POC1A: variants seen among roughly 807,000 people sequenced by gnomAD.
The protein encoded by POC1A is POC1 centriolar protein homolog A.
Under a neutral mutation model 47.8 loss-of-function variants are expected in POC1A, and 34 were observed. The ratio of observed to expected loss-of-function variants is 0.71; its 90% CI spans 0.54 to 0.95. The LOEUF (loss-of-function observed/expected upper bound fraction) is 0.95, where lower values mean the gene tolerates loss of function less well. POC1A is among the 40% of genes least tolerant of loss of function. POC1A has a pLI of 0.00. For synonymous variants in POC1A, 177 were observed against 207.6 expected (o/e 0.85, Z 1.27); for missense variants, 466 against 528.3 (o/e 0.88, Z 1.16).
At chr3:52,124,654 C>T (rs1020223110) in intron 8 of POC1A, among the ~76,000 whole-genome samples, 2 of 152,120 alleles carry the variant, frequency 1.3e-5, no homozygotes, top group Non-Finnish European at 2.9e-5. Context: ...CCTCATCTAC[C>T]GCACGGGGAG....
intron 10 of POC1A, among the ~76,000 whole-genome samples, chr3:52,080,380 C>T (rs1018132744): frequency 6.6e-6 from 1 of 152,172 alleles, no homozygotes; most frequent in Non-Finnish European, 1.5e-5. Flanking sequence ...TCCCTGTCCT[C>T]ACCCAGCAGC....
intron 1 of POC1A, among the ~76,000 whole-genome samples, chr3:52,151,618 A>G (rs1302026486): frequency 4.0e-5 from 6 of 151,804 alleles, no homozygotes; most frequent in Admixed American, 6.6e-5. Flanking sequence ...CTCAAAAAAA[A>G]AAAAAAAAAA....
At chr3:52,107,158 C>A (rs540223830) in intron 9 of POC1A, among the ~76,000 whole-genome samples, 1 of 152,378 alleles carries the variant, frequency 6.6e-6, no homozygotes, top group South Asian at 2.1e-4. Context: ...ATGTGCGGTT[C>A]CTTCCCTGGA....
intron 8 of POC1A, among the ~76,000 whole-genome samples, chr3:52,124,658 C>T (rs967674339): frequency 1.3e-5 from 2 of 152,104 alleles, no homozygotes; most frequent in Admixed American, 6.6e-5. Flanking sequence ...ATCTACCGCA[C>T]GGGGAGATCA....
chr3:52,129,991 C>T (rs1013947935), intron 7 of POC1A, among the ~76,000 whole-genome samples: 3 of 152,180 alleles, frequency 2.0e-5, no homozygotes, highest in African/African-American at 4.8e-5. Flanking sequence ...TGCTGGCTCT[C>T]GCTCTGCTGC....
At chr3:52,105,738 C>T (rs1474067521) in intron 9 of POC1A, among the ~76,000 whole-genome samples, 1 of 152,226 alleles carries the variant, frequency 6.6e-6, no homozygotes, top group Non-Finnish European at 1.5e-5. Context: ...TTTCCTAAAA[C>T]CATCTAACTT....
At chr3:52,150,253 A>T (rs1698514566) in intron 2 of POC1A, among the ~76,000 whole-genome samples, 1 of 152,200 alleles carries the variant, frequency 6.6e-6, no homozygotes, top group Non-Finnish European at 1.5e-5. Context: ...ACTGCAATCC[A>T]GAGCTCTGGG....
chr3:52,084,605 C>A lies in POC1A; in HGVS notation c.1126-8620G>T, dbSNP rs1702400021. 2.6e-5 allele frequency among the ~76,000 whole-genome samples: 4 copies of A among 152,208 alleles called. No homozygotes were observed. Among genetic ancestry groups the A allele is most frequent in the African/African-American group, 9.7e-5 (4 of 41,450 alleles). Reference sequence around the variant, plus strand: ...CAGGAAAGAACAAGGGTGGCCAGATCCTTAAAAATACTTCTCCAAGTGCAG... The same window carrying A: ...CAGGAAAGAACAAGGGTGGCCAGATACTTAAAAATACTTCTCCAAGTGCAG... On this transcript the variant is annotated intron_variant, in intron 10 of 10. Coordinates refer to ENST00000296484, the MANE Select transcript of POC1A (RefSeq NM_015426.5). The surrounding 1 kb of genome is among the most constrained non-coding windows in gnomAD (Gnocchi z 4.3).
chr3:52,124,187 A>G (rs1703905836), intron 8 of POC1A, among the ~76,000 whole-genome samples: 1 of 152,230 alleles, frequency 6.6e-6, no homozygotes, highest in Non-Finnish European at 1.5e-5. Flanking sequence ...CATCAGGTCA[A>G]CAGTGGCACA....
chr3:52,077,934 C>T (rs1414135126), intron 10 of POC1A, among the ~76,000 whole-genome samples: 5 of 152,260 alleles, frequency 3.3e-5, no homozygotes, highest in Admixed American at 3.3e-4. Flanking sequence ...CATACTTCAG[C>T]TCAGTAGGAA....
At position 52,084,459 on chromosome 3, in the gene POC1A, G is replaced by A. The variant is rs940884572; in HGVS notation, c.1126-8474C>T. On this transcript the variant is annotated intron_variant, in intron 10 of 10. Coordinates refer to ENST00000296484, the MANE Select transcript of POC1A (RefSeq NM_015426.5). The surrounding 1 kb of genome is among the most constrained non-coding windows in gnomAD (Gnocchi z 4.3). ...CTCTGTCAGGCACCCACCACAGGCA[G>A]CAAACAAGGGACCCTAGCTCTTGGG... 3.9e-5 allele frequency among the ~76,000 whole-genome samples: 6 copies of A among 152,196 alleles called. No individual in the cohort carries two copies. The highest frequency in any genetic ancestry group is 1.4e-4 in the African/African-American group (6 of 41,438).
At chr3:52,105,963 G>A (rs535892468) in intron 9 of POC1A, among the ~76,000 whole-genome samples, 1 of 152,204 alleles carries the variant, frequency 6.6e-6, no homozygotes, top group South Asian at 2.1e-4. Flanking sequence ...GGGAGGCTGA[G>A]GCGGGCGGAT....
intron 10 of POC1A, among the ~76,000 whole-genome samples, chr3:52,083,656 G>C (rs1457360540): frequency 6.6e-6 from 1 of 152,058 alleles, no homozygotes; most frequent in Non-Finnish European, 1.5e-5. Context: ...TTTCCACTCT[G>C]TGTTTGGTGA....
At chr3:52,116,142 A>G (rs1440264022) in intron 9 of POC1A, among the ~76,000 whole-genome samples, 2 of 152,160 alleles carry the variant, frequency 1.3e-5, no homozygotes, top group African/African-American at 4.8e-5. Flanking sequence ...TTAAAAATCC[A>G]CAGGCACCCA....
In POC1A at chr3:52,087,288, C is replaced by T. The variant is rs377255428; in HGVS notation, c.1125+9281G>A. The stretch of plus-strand genomic sequence containing the variant: ...ACCTCAGAGGGGAAGGAATGGAGCT[C>T]CCCTCTCATGCTGATGTCTGACATG... On this transcript the variant is annotated intron_variant, in intron 10 of 10. Coordinates refer to ENST00000296484, the MANE Select transcript of POC1A (RefSeq NM_015426.5). Among the ~76,000 whole-genome samples, 8 of 152,266 alleles carry T rather than the reference C, an allele frequency of 5.3e-5. 1 individual carries two copies. Among genetic ancestry groups the T allele is most frequent in the Non-Finnish European group, 8.8e-5 (6 of 68,026 alleles).
At position 52,075,850 on chromosome 3, in the gene POC1A, T is replaced by G; in HGVS notation, c.*37A>C. 2 of 1,497,260 alleles carry G rather than the reference T, an allele frequency of 1.3e-6. No individual in the cohort carries two copies. Among genetic ancestry groups the G allele is most frequent in the African/African-American group, 2.7e-5 (2 of 72,792 alleles). The allele number at this position is 1,497,260 out of a possible 1,614,324, so 92.7% of individuals were successfully genotyped here. A position where few individuals can be genotyped will look rare whatever the true frequency, so the allele number is the denominator to read the frequency against. On this transcript the variant is annotated 3_prime_UTR_variant, in exon 11 of 11. Coordinates refer to ENST00000296484, the MANE Select transcript of POC1A (RefSeq NM_015426.5). ...TGGTACAAATCCCTGGCCTGCCACC[T>G]GCAAATCCACCGAGCTCCTGATTCC...
rs116328631 is a variant in POC1A, at chr3:52,103,013, C to T, written c.982-6301G>A. Among the ~76,000 whole-genome samples the T allele has an allele frequency of 2.7e-3, 416 of 152,310 alleles. 5 individuals carry two copies. Among genetic ancestry groups the T allele is most frequent in the African/African-American group, 9.6e-3 (398 of 41,572 alleles). On this transcript the variant is annotated intron_variant, in intron 9 of 10. Coordinates refer to ENST00000296484, the MANE Select transcript of POC1A (RefSeq NM_015426.5). ...TGTGGTATTGGTAAAAGGATAGACA[C>T]GTACATTAATGGAACAAAGAGAATC...
intron 7 of POC1A, among the ~76,000 whole-genome samples, chr3:52,129,085 A>T (rs1704117353): frequency 6.6e-6 from 1 of 151,922 alleles, no homozygotes. Context: ...TTCGAGACCA[A>T]TCTGGTCAAC....
In POC1A at chr3:52,145,950, T is replaced by C. The variant is rs562051715; in HGVS notation, c.575A>G (p.Tyr192Cys). 3.2e-5 allele frequency: 51 copies of C among 1,610,356 alleles called. 1 individual carries two copies. The South Asian group carries it at 5.4e-4, about 17-fold the overall frequency. The change falls in exon 6 of 11, where the codon TAT (tyrosine) becomes TGT (cysteine). Residue 192 changes from tyrosine to cysteine, a missense_variant. Coordinates refer to ENST00000296484, the MANE Select transcript of POC1A (RefSeq NM_015426.5). Reference protein sequence around the residue: ...SYCEHGGFVTYVDFHPSGTCI... With the variant: ...SYCEHGGFVTCVDFHPSGTCI... ...CGTCCCACTGGGGTGGAAGTCCACA[T>C]AGGTGACAAAGCTGGAAAGACAGGG...
Sources: allele counts gnomAD v4.1 joint callset (sites outside exome capture counted in the v4.1 genomes callset), GRCh38; gene constraint gnomAD v4.1.1; non-coding constraint Gnocchi (gnomAD v3.1); transcripts MANE v1.5; gene names NCBI Gene and HGNC (gene_info 2026-07-23, HGNC 2026-07-21).